The following ANAPC11 variants were observed in gnomAD, a reference collection of about 807,000 sequenced individuals.
ANAPC11 encodes the protein anaphase-promoting complex subunit 11.
ANAPC11 carries 5 observed loss-of-function variants against 11.8 expected under a neutral mutation model. The observed-to-expected ratio is 0.42, with a 90% CI of 0.22 to 0.89. ANAPC11 has a LOEUF of 0.89. Among genes scored for constraint, ANAPC11 ranks in the 40% least tolerant of loss-of-function variants. The pLI is 0.28. For missense variants in ANAPC11, 68 were observed against 112.9 expected (o/e 0.60, Z 1.80); for synonymous variants, 45 against 41.0 (o/e 1.10, Z -0.38).
intron 1 of ANAPC11, chr17:81,892,246 G>A (rs1320294884): frequency 6.6e-6 from 1 of 152,622 alleles, no homozygotes; most frequent in Non-Finnish European, 1.5e-5. Context: ...GCCGAGGCAA[G>A]AGGTTCGCTT....
chr17:81,899,560 T>C (rs202012453), intron 3 of ANAPC11: 8 of 1,607,328 alleles, frequency 5.0e-6, no homozygotes, highest in Admixed American at 1.7e-5. Flanking sequence ...ATTGCCCTTT[T>C]TCCCCAGCCT....
upstream of ANAPC11, chr17:81,891,716 G>A (rs559845132): frequency 6.2e-6 from 5 of 805,216 alleles, no homozygotes; most frequent in Non-Finnish European, 6.5e-6. Flanking sequence ...GTGAGGCGGG[G>A]AGGCGCGTGC....
upstream of ANAPC11, chr17:81,891,674 C>T (rs1257106238): frequency 8.0e-6 from 9 of 1,128,618 alleles, no homozygotes; most frequent in South Asian, 4.2e-5. Flanking sequence ...TGCTGATTGG[C>T]CGCTGGCGGA....
intron 3 of ANAPC11, chr17:81,899,018 C>G (rs1260095363): frequency 2.5e-5 from 15 of 596,290 alleles, no homozygotes; most frequent in Non-Finnish European, 3.0e-6. Flanking sequence ...CAGGTCCTCC[C>G]AGGGCTGGGA....
chr17:81,900,110 C>T lies in ANAPC11; in HGVS notation c.*45C>T, dbSNP rs771755198. 1 of 1,608,618 alleles carries T rather than the reference C, an allele frequency of 6.2e-7. No individual in the cohort carries two copies. Among genetic ancestry groups the T allele is most frequent in the Non-Finnish European group, 8.5e-7 (1 of 1,178,118 alleles). On this transcript the variant is annotated 3_prime_UTR_variant, in exon 4 of 4. Transcript: ENST00000344877. ...TGGAGGGGCATCCTGAGACTCCTTC[C>T]TCATGCTGGCGCCGATGGCTGCTGG... is the stretch of plus-strand genomic sequence containing the variant.
chr17:81,898,067 T>C (rs2039801672), intron 3 of ANAPC11: 2 of 152,386 alleles, frequency 1.3e-5, no homozygotes, highest in African/African-American at 4.8e-5. Context: ...GGATTTGTAG[T>C]TAATAGCTAA....
At chr17:81,890,960 G>A (rs1272462742), upstream of ANAPC11, 3 of 1,311,174 alleles carry the variant, frequency 2.3e-6, no homozygotes, top group Non-Finnish European at 2.1e-6. Context: ...TCCCTCCGGC[G>A]CTGCAGCTGC....
intron 3 of ANAPC11, chr17:81,899,234 T>C: frequency 2.5e-6 from 4 of 1,609,362 alleles, no homozygotes; most frequent in Non-Finnish European, 3.4e-6. Flanking sequence ...CATCCCTCTC[T>C]GTGTCAGGTC....
intron 1 of ANAPC11, among the ~76,000 whole-genome samples, chr17:81,892,583 G>T (rs1267533055): frequency 3.5e-5 from 5 of 143,852 alleles, no homozygotes; most frequent in Admixed American, 6.7e-5. Context: ...AGTGCAGTGG[G>T]GCGATCTCGG....
At chr17:81,897,339 G>T (rs960945719) in intron 3 of ANAPC11, among the ~76,000 whole-genome samples, 2 of 152,042 alleles carry the variant, frequency 1.3e-5, no homozygotes, top group African/African-American at 2.4e-5. Context: ...CACCATGTTG[G>T]CCGGGCTGGT....
At chr17:81,891,597 G>A (rs2039532402), upstream of ANAPC11, 2 of 1,396,080 alleles carry the variant, frequency 1.4e-6, no homozygotes, top group African/African-American at 1.5e-5. Context: ...GAGCCCGCGC[G>A]TCAGCACGCC....
intron 3 of ANAPC11, among the ~76,000 whole-genome samples, chr17:81,896,120 C>A (rs1456659649): frequency 6.6e-6 from 1 of 152,158 alleles, no homozygotes; most frequent in Non-Finnish European, 1.5e-5. Flanking sequence ...CCCGACTCTA[C>A]TAAAAATCCA....
chr17:81,897,221 G>A (rs764432260), intron 3 of ANAPC11, among the ~76,000 whole-genome samples: 3 of 151,944 alleles, frequency 2.0e-5, no homozygotes, highest in East Asian at 3.9e-4. Flanking sequence ...GGATGGTCTC[G>A]ATCTCTTGAC....
chr17:81,899,928 C>T lies in ANAPC11; in HGVS notation c.118C>T (p.Pro40Ser). Residue 40 changes from proline to serine, a missense_variant, in exon 4 of 4, where the codon CCC (proline) becomes TCC (serine). Pro to Ser is a moderately conservative substitution (Grantham distance 74). Transcript: ENST00000344877. ...CCACCTCCCCTCCGTAGGCAAGGTG[C>T]CCGGCGACGACTGCCCGCTGGTGTG... The part of the protein sequence containing the change: ...FNGCCPDCKV[P>S]GDDCPLVWGQ... 6.2e-7 allele frequency: 1 copy of T among 1,608,310 alleles called. No homozygotes were observed. Among genetic ancestry groups the T allele is most frequent in the Non-Finnish European group, 8.5e-7 (1 of 1,176,226 alleles).
At chr17:81,899,185 TC>T (rs1375441687) in intron 3 of ANAPC11, 6 of 1,544,252 alleles carry the variant, frequency 3.9e-6, no homozygotes, top group Non-Finnish European at 5.3e-6. Flanking sequence ...CTCTTGGAGA[TC>T]AGGGACACTC....
chr17:81,891,438 C>T, upstream of ANAPC11: 1 of 1,019,476 alleles, frequency 9.8e-7, no homozygotes, highest in Non-Finnish European at 1.2e-6. Flanking sequence ...GGCCTGCGCC[C>T]CACCGCCGCG....
chr17:81,899,890 C>T, intron 3 of ANAPC11, 30 bp from the exon 4 acceptor site: 1 of 1,598,062 alleles, frequency 6.3e-7, no homozygotes, highest in Non-Finnish European at 8.5e-7. Context: ...CCTGGTCATG[C>T]CTGTCCTTTT....
chr17:81,899,184 AT>A, intron 3 of ANAPC11: 3 of 1,544,036 alleles, frequency 1.9e-6, no homozygotes, highest in Non-Finnish European at 2.6e-6. Flanking sequence ...GCTCTTGGAG[AT>A]CAGGGACACT....
chr17:81,891,260 G>A (rs2039522453), upstream of ANAPC11: 1 of 1,079,762 alleles, frequency 9.3e-7, no homozygotes, highest in Non-Finnish European at 1.1e-6. Flanking sequence ...GCCGCGAGCG[G>A]CCCCGGCCCC....
Sources: gnomAD v4.1 joint callset for allele counts (sites outside exome capture counted in the v4.1 genomes callset) on GRCh38, gnomAD v4.1.1 for gene constraint, MANE v1.5 for transcripts, NCBI Gene and HGNC (gene_info 2026-07-23, HGNC 2026-07-21) for gene names.